The following ABHD13 variants were observed in gnomAD, a reference collection of about 807,000 sequenced individuals.
ABHD13 encodes abhydrolase domain containing 13.
A neutral mutation model predicts 25.2 loss-of-function variants in ABHD13; 7 were observed. The observed-to-expected ratio is 0.28, with a 90% CI of 0.16 to 0.52. The LOEUF is 0.52. Ranked by LOEUF, ABHD13 falls within the 20% of genes least tolerant of loss-of-function variation. ABHD13 has a pLI of 0.96. For synonymous variants in ABHD13, 133 were observed against 136.1 expected (o/e 0.98, Z 0.16); for missense variants, 302 against 402.7 (o/e 0.75, Z 2.14).
intron 1 of ABHD13, among the ~76,000 whole-genome samples, chr13:108,219,955 G>A (rs139541017): frequency 7.9e-5 from 12 of 152,224 alleles, no homozygotes; most frequent in African/African-American, 2.2e-4. Context: ...GACTAATAGG[G>A]CTTCTAGTTG....
rs140080485 is a variant in ABHD13 at position 108,229,338 on chromosome 13, T to C, written c.120T>C (p.Tyr40=). ...LLPLIVTFHL[Y]GGIILLLLIF... is the part of the protein sequence containing the mutation. ...CTTTAATAGTGACTTTTCATCTGTA[T>C]GGAGGCATTATCTTACTTTTGTTAA... Residue 40 remains tyrosine (Y), a synonymous_variant, in exon 2 of 2, where the codon TAT becomes TAC. Coordinates refer to ENST00000375898, the MANE Select transcript of ABHD13 (RefSeq NM_032859.3). The surrounding 1 kb of genome is among the most constrained non-coding windows in gnomAD (Gnocchi z 4.7). 1.2e-6 allele frequency: 2 copies of C among 1,612,838 alleles called. No homozygotes were observed. The highest frequency in any genetic ancestry group is 1.3e-5 in the African/African-American group (1 of 74,844).
At chr13:108,227,765 A>G (rs1244555021) in intron 1 of ABHD13, among the ~76,000 whole-genome samples, 4 of 152,022 alleles carry the variant, frequency 2.6e-5, no homozygotes. Flanking sequence ...AACTCATTCT[A>G]CTGAAAAGGC....
rs1263401265 is a variant in ABHD13 at position 108,232,062 on chromosome 13, C to T, written c.*1830C>T. On this transcript the variant is annotated 3_prime_UTR_variant, in exon 2 of 2. Transcript: ENST00000375898. ...ATACAACAAAATGTATATTTAGACACGAGCTTACATGGCATACCTTATATT... is the reference window on the plus strand; with the variant it reads ...ATACAACAAAATGTATATTTAGACATGAGCTTACATGGCATACCTTATATT... The T allele has an allele frequency of 1.8e-5, 3 of 166,390 alleles. No homozygotes were observed. Among genetic ancestry groups the T allele is most frequent in the East Asian group, 1.9e-4 (1 of 5,180 alleles). The allele number at this position is 166,390 out of a possible 1,614,324, so 10.3% of individuals were successfully genotyped here.
intron 1 of ABHD13, among the ~76,000 whole-genome samples, chr13:108,226,792 C>T (rs952179297): frequency 4.6e-5 from 7 of 152,066 alleles, no homozygotes; most frequent in African/African-American, 1.4e-4. Flanking sequence ...AAAAATCCTT[C>T]CTGATATTGT....
chr13:108,221,390 A>ATAAG (rs1879565664), intron 1 of ABHD13, among the ~76,000 whole-genome samples: 1 of 152,222 alleles, frequency 6.6e-6, no homozygotes, highest in Admixed American at 6.5e-5. Flanking sequence ...AGAGATTGAT[A>ATAAG]TAAGAATACT....
intron 1 of ABHD13, among the ~76,000 whole-genome samples, chr13:108,221,577 A>T (rs1252437465): frequency 6.6e-6 from 1 of 152,114 alleles, no homozygotes; most frequent in African/African-American, 2.4e-5. Flanking sequence ...CATTTTTTTT[A>T]AATGTATGAA....
intron 1 of ABHD13, among the ~76,000 whole-genome samples, chr13:108,226,129 G>T (rs1879666611): frequency 6.6e-6 from 1 of 152,182 alleles, no homozygotes; most frequent in Non-Finnish European, 1.5e-5. Flanking sequence ...GTATACCATA[G>T]TGGACCGTAC....
chr13:108,220,354 A>G (rs575692192), intron 1 of ABHD13, among the ~76,000 whole-genome samples: 1 of 152,360 alleles, frequency 6.6e-6, no homozygotes, highest in East Asian at 1.9e-4. Context: ...CTGGGCTAAC[A>G]ATATAACTTA....
At chr13:108,224,853 A>C (rs373710266) in intron 1 of ABHD13, among the ~76,000 whole-genome samples, 2 of 152,200 alleles carry the variant, frequency 1.3e-5, no homozygotes, top group Non-Finnish European at 1.5e-5. Flanking sequence ...CAAACTACTT[A>C]TGTAGTATAG....
intron 1 of ABHD13, among the ~76,000 whole-genome samples, chr13:108,227,667 A>C (rs183705364): frequency 7.9e-5 from 12 of 152,178 alleles, no homozygotes; most frequent in Admixed American, 3.9e-4. Context: ...AAAGCAAATA[A>C]AGTTAACATG....
intron 1 of ABHD13, among the ~76,000 whole-genome samples, chr13:108,225,537 T>TAG (rs2139011374): frequency 6.6e-6 from 1 of 152,274 alleles, no homozygotes; most frequent in African/African-American, 2.4e-5. Context: ...AAAAATCCAC[T>TAG]AGATTTATTT....
At chr13:108,225,120 A>G (rs1879647415) in intron 1 of ABHD13, among the ~76,000 whole-genome samples, 1 of 152,166 alleles carries the variant, frequency 6.6e-6, no homozygotes, top group Non-Finnish European at 1.5e-5. Flanking sequence ...TCTTAGCTAC[A>G]TATCCTGGGT....
rs1271185013 is a variant in ABHD13 at position 108,218,436 on chromosome 13, G to A, written c.-244G>A. 3 of 152,306 alleles carry A rather than the reference G, an allele frequency of 2.0e-5. No individual in the cohort carries two copies. Among genetic ancestry groups the A allele is most frequent in the Admixed American group, 6.5e-5 (1 of 15,294 alleles). The allele number at this position is 152,306 out of a possible 1,614,324, so 9.4% of individuals were successfully genotyped here. Reference sequence around the variant, plus strand: ...CTCCGGGAGCGGAGACGGAGAACAGGTTATGTGGGAGCCGGCGGGGGCATT... The same window carrying A: ...CTCCGGGAGCGGAGACGGAGAACAGATTATGTGGGAGCCGGCGGGGGCATT... On this transcript the variant is annotated 5_prime_UTR_variant, in exon 1 of 2. Coordinates refer to ENST00000375898, the MANE Select transcript of ABHD13 (RefSeq NM_032859.3).
chr13:108,221,082 G>A (rs1879558290), intron 1 of ABHD13, among the ~76,000 whole-genome samples: 1 of 152,216 alleles, frequency 6.6e-6, no homozygotes, highest in Non-Finnish European at 1.5e-5. Context: ...AAGCTACTAA[G>A]TAGCTGCCTG....
rs1041947634 is a variant in ABHD13 at position 108,231,923 on chromosome 13, G to A, written c.*1691G>A. On this transcript the variant is annotated 3_prime_UTR_variant, in exon 2 of 2. Coordinates refer to ENST00000375898, the MANE Select transcript of ABHD13 (RefSeq NM_032859.3). ...TTGCTTTTTAAAACAAGTTGGTAAT[G>A]CATATCATGGAAGGCATATTTTGTA... The A allele has an allele frequency of 1.2e-5, 2 of 166,736 alleles. No individual in the cohort carries two copies. The highest frequency in any genetic ancestry group is 2.9e-5 in the Non-Finnish European group (2 of 67,950). The allele number at this position is 166,736 out of a possible 1,614,324, so 10.3% of individuals were successfully genotyped here.
chr13:108,226,356 C>T (rs1426035798), intron 1 of ABHD13, among the ~76,000 whole-genome samples: 4 of 152,116 alleles, frequency 2.6e-5, no homozygotes, highest in Non-Finnish European at 4.4e-5. Flanking sequence ...AATTACAGGT[C>T]GTATTCAATT....
chr13:108,227,013 C>A (rs1453069430), intron 1 of ABHD13, among the ~76,000 whole-genome samples: 1 of 152,090 alleles, frequency 6.6e-6, no homozygotes, highest in African/African-American at 2.4e-5. Context: ...TTTTTATTAA[C>A]CTGTTCTTAA....
chr13:108,218,589 C>T lies in ABHD13; in HGVS notation c.-91C>T. 6.6e-6 allele frequency: 1 copy of T among 152,018 alleles called. No homozygotes were observed. Among genetic ancestry groups the T allele is most frequent in the East Asian group, 1.9e-4 (1 of 5,142 alleles). The allele number at this position is 152,018 out of a possible 1,614,324, so 9.4% of individuals were successfully genotyped here. On this transcript the variant is annotated 5_prime_UTR_variant, in exon 1 of 2. Coordinates refer to ENST00000375898, the MANE Select transcript of ABHD13 (RefSeq NM_032859.3). ...ATGATGAGGAGCGACGGAAGCGACG[C>T]GGGGGTACGCTGCTGCGCGGCGCCC...
chr13:108,229,480 A>G lies in ABHD13; in HGVS notation c.262A>G (p.Asn88Asp). ...CATGCCCACTGGCATTCCACATGAA[A>G]ACATTTTCATCAGAACCAAAGATGG... ...VPMPTGIPHE[N>D]IFIRTKDGIR... Residue 88 changes from asparagine (N) to aspartate (D), a missense_variant, in exon 2 of 2, where the codon AAC (asparagine) becomes GAC (aspartate). Coordinates refer to ENST00000375898, the MANE Select transcript of ABHD13 (RefSeq NM_032859.3). This position sits in a 1 kb window ranked among gnomAD's most constrained non-coding sequence, Gnocchi z 4.7. 1.2e-6 allele frequency: 2 copies of G among 1,613,572 alleles called. No individual in the cohort carries two copies. Among genetic ancestry groups the G allele is most frequent in the Non-Finnish European group, 1.7e-6 (2 of 1,179,612 alleles).
Sources: allele counts gnomAD v4.1 joint callset (sites outside exome capture counted in the v4.1 genomes callset), GRCh38; gene constraint gnomAD v4.1.1; non-coding constraint Gnocchi (gnomAD v3.1); transcripts MANE v1.5; gene names NCBI Gene and HGNC (gene_info 2026-07-23, HGNC 2026-07-21).